Variants in ALDH1L1 observed in about 807,000 individuals in gnomAD.
ALDH1L1 encodes the protein aldehyde dehydrogenase 1 family member L1.
ALDH1L1 carries 68 observed loss-of-function variants against 101.1 expected under a neutral mutation model. That is an observed-to-expected ratio of 0.67 (90% CI 0.55 to 0.82). The LOEUF (loss-of-function observed/expected upper bound fraction) is 0.82, where lower values mean the gene tolerates loss of function less well. ALDH1L1 is among the 40% of genes least tolerant of loss of function. The probability of loss-of-function intolerance (pLI) is 0.00; values close to 1 mark genes in which losing one functional copy is unlikely to be tolerated. For missense variants in ALDH1L1, 1,087 were observed against 1,172.7 expected (o/e 0.93, Z 1.07); for synonymous variants, 486 against 470.8 (o/e 1.03, Z -0.42).
intron 21 of ALDH1L1, 105 bp from the exon 22 acceptor site, chr3:126,106,030 G>A (rs980122951): frequency 2.4e-5 from 29 of 1,204,730 alleles, no homozygotes; most frequent in Middle Eastern, 2.1e-4. Flanking sequence ...AAGACCTTCC[G>A]AGGAGAAAAT....
At chr3:126,192,655 C>T (rs2081559470) in intron 1 of ALDH1L1, among the ~76,000 whole-genome samples, 2 of 152,202 alleles carry the variant, frequency 1.3e-5, no homozygotes, top group Admixed American at 1.3e-4. Context: ...GAAGAAGGTT[C>T]ACTTTTCTGA....
At chr3:126,158,766 C>G in intron 2 of ALDH1L1, 127 bp from the exon 3 acceptor site, 1 of 856,296 alleles carries the variant, frequency 1.2e-6, no homozygotes. Context: ...ACACCCCAGC[C>G]AGGCTCCACT....
rs1321804745 is a variant in ALDH1L1, at chr3:126,157,466, G to C, written c.405C>G (p.Phe135Leu). The C allele has an allele frequency of 6.2e-7, 1 of 1,614,142 alleles. No individual in the cohort carries two copies. The highest frequency in any genetic ancestry group is 1.1e-5 in the South Asian group (1 of 91,062). ...CGGTGTCCAGACCATCATCCGCCCA[G>C]AAGATGGAAAACCCCCCTTTCTTAT... ...HGDKKGGFSI[F>L]WADDGLDTGD... The change falls in exon 4 of 23, where the codon TTC (phenylalanine) becomes TTG (leucine). Residue 135 changes from phenylalanine (F) to leucine (L), a missense_variant. This residue lies in a region of ALDH1L1 where 645 missense variants were observed against 637.0 expected (regional missense o/e 1.01). Transcript: ENST00000393434.
At chr3:126,105,503 T>C (rs1576401306) in intron 22 of ALDH1L1, 1 of 592,264 alleles carries the variant, frequency 1.7e-6, no homozygotes, top group East Asian at 3.2e-5. Flanking sequence ...GAGTGTCTCC[T>C]CCAGGCCCCT....
chr3:126,125,885 T>G (rs577617932), intron 14 of ALDH1L1, among the ~76,000 whole-genome samples, 164 bp from the exon 15 acceptor site: 7 of 152,318 alleles, frequency 4.6e-5, no homozygotes, highest in African/African-American at 1.7e-4. Context: ...GCCTGCTGTT[T>G]CTGTCCTGGA....
At position 126,117,239 on chromosome 3, in the gene ALDH1L1, G is replaced by GA. The variant is rs199514703; in HGVS notation, c.1982+765dup. On this transcript the variant is annotated intron_variant, in intron 17 of 22. Coordinates refer to ENST00000393434, the MANE Select transcript of ALDH1L1 (RefSeq NM_012190.4). ...CTGGGTGACACTGTGAGACTCCATT[G>GA]AAAAAAAAAAAAAACCTGAAAAGAA... 8.1e-3 allele frequency among the ~76,000 whole-genome samples: 1,009 copies of GA among 125,204 alleles called. 1 individual carries two copies. The highest frequency in any genetic ancestry group is 0.019 in the Middle Eastern group (4 of 216). 82.1% of individuals were successfully genotyped at this position (125,204 alleles called of 152,430 possible). A position where few individuals can be genotyped will look rare whatever the true frequency, so the allele number is the denominator to read the frequency against.
Position 126,135,623 on chromosome 3 carries a change from C to G in ALDH1L1, c.1384G>C (p.Asp462His). Residue 462 changes from aspartate to histidine, a missense_variant, in exon 12 of 23, where the codon GAC becomes CAC. Physicochemically the swap from Asp to His is moderately conservative, Grantham distance 81 (BLOSUM62 -1). Transcript: ENST00000393434. ...QVSLAQVTDV[D>H]KAVAAAKDAF... is the part of the protein sequence containing the mutation. ...TCCTTGGCTGCGGCCACTGCCTTGT[C>G]GACGTCGGTGACTTGGGCCAGGGAT... 6.3e-7 allele frequency: 1 copy of G among 1,587,460 alleles called. No individual in the cohort carries two copies. The highest frequency in any genetic ancestry group is 1.8e-5 in the Admixed American group (1 of 56,260).
intron 17 of ALDH1L1, 137 bp from the exon 18 acceptor site, chr3:126,114,793 T>TC (rs763013261): frequency 5.4e-4 from 321 of 597,208 alleles, no homozygotes; most frequent in South Asian, 1.4e-3. Context: ...GCCTCCCCAC[T>TC]CCCCCCCACC....
At chr3:126,162,735 T>C (rs928865685) in intron 1 of ALDH1L1, among the ~76,000 whole-genome samples, 2 of 152,334 alleles carry the variant, frequency 1.3e-5, no homozygotes, top group East Asian at 3.9e-4. Context: ...TGTTTAGTGG[T>C]TCTTGTATTC....
intron 5 of ALDH1L1, among the ~76,000 whole-genome samples, chr3:126,155,135 T>C (rs867764911): frequency 6.6e-6 from 1 of 152,072 alleles, no homozygotes; most frequent in African/African-American, 2.4e-5. Context: ...CCCACTCTTA[T>C]CTCCCTGTGG....
At chr3:126,106,070 T>A in intron 21 of ALDH1L1, 145 bp from the exon 22 acceptor site, 1 of 837,462 alleles carries the variant, frequency 1.2e-6, no homozygotes, top group South Asian at 1.8e-5. Context: ...GGGGCAAGAT[T>A]GGGTTGGGTT....
At chr3:126,157,975 C>A (rs997483309) in intron 3 of ALDH1L1, among the ~76,000 whole-genome samples, 2 of 152,146 alleles carry the variant, frequency 1.3e-5, no homozygotes, top group Non-Finnish European at 2.9e-5. Context: ...ATCCTTTGCT[C>A]CATCTTTATC....
chr3:126,109,875 C>T (rs1946019635), intron 20 of ALDH1L1, 69 bp downstream of exon 20: 1 of 1,584,500 alleles, frequency 6.3e-7, no homozygotes, highest in South Asian at 1.1e-5. Flanking sequence ...TTCAGCTGGA[C>T]AGGGAACCAG....
chr3:126,193,133 A>G (rs1393404472), intron 1 of ALDH1L1, among the ~76,000 whole-genome samples: 1 of 152,222 alleles, frequency 6.6e-6, no homozygotes, highest in African/African-American at 2.4e-5. Context: ...GTTAGGTTAC[A>G]GTTCATCCAC....
chr3:126,138,071 C>T (rs1576447390), intron 9 of ALDH1L1, 111 bp from the exon 10 acceptor site: 9 of 1,395,066 alleles, frequency 6.5e-6, no homozygotes, highest in Middle Eastern at 2.5e-4. Flanking sequence ...ATCCCAGCAC[C>T]GAGAGGTAGC....
chr3:126,157,373 G>A lies in ALDH1L1; in HGVS notation c.498C>T (p.Arg166=), dbSNP rs766959556. The A allele has an allele frequency of 5.6e-6, 9 of 1,613,814 alleles. No homozygotes were observed. Among genetic ancestry groups the A allele is most frequent in the South Asian group, 5.5e-5 (5 of 91,046 alleles). ...CTTTGATGCCTTCAGGGAAGAGGAA[G>A]CGGTTGTACAGCGTGCTCACGGTGT... ...PDDTVSTLYN[R]FLFPEGIKGM... is the part of the protein sequence containing the mutation. The change falls in exon 4 of 23, where the codon CGC becomes CGT. Residue 166 remains arginine, a synonymous_variant. Transcript: ENST00000393434.
chr3:126,109,708 C>G (rs1559913928), intron 20 of ALDH1L1, among the ~76,000 whole-genome samples: 1 of 152,110 alleles, frequency 6.6e-6, no homozygotes, highest in Admixed American at 6.5e-5. Flanking sequence ...AAGGGCAAGT[C>G]AGAGTCCAGT....
intron 8 of ALDH1L1, among the ~76,000 whole-genome samples, chr3:126,149,601 C>T (rs1010459365): frequency 6.6e-6 from 1 of 152,232 alleles, no homozygotes; most frequent in Non-Finnish European, 1.5e-5. Flanking sequence ...GTTGCTGGCT[C>T]TCAGCACCTT....
At position 126,103,682 on chromosome 3, in the gene ALDH1L1, G is replaced by A; in HGVS notation, c.*109C>T. 1.7e-6 allele frequency: 2 copies of A among 1,179,864 alleles called. No homozygotes were observed. Among genetic ancestry groups the A allele is most frequent in the South Asian group, 2.7e-5 (2 of 74,048 alleles). The allele number at this position is 1,179,864 out of a possible 1,614,324, so 73.1% of individuals were successfully genotyped here. ...TGCAGACATGGTGTGCAGGCAGGAG[G>A]GCTTCCACTAGCCCCCCAGGTGGGA... is the stretch of plus-strand genomic sequence containing the variant. On this transcript the variant is annotated 3_prime_UTR_variant, in exon 23 of 23. Coordinates refer to ENST00000393434, the MANE Select transcript of ALDH1L1 (RefSeq NM_012190.4).
Sources: gnomAD v4.1 joint callset for allele counts (sites outside exome capture counted in the v4.1 genomes callset) on GRCh38, gnomAD v4.1.1 for gene constraint, gnomAD v4.1.1 regional missense constraint, MANE v1.5 for transcripts, NCBI Gene and HGNC (gene_info 2026-07-23, HGNC 2026-07-21) for gene names.